The following SLC35D4 variants were observed in gnomAD, a reference collection of about 807,000 sequenced individuals.
The protein encoded by SLC35D4 is solute carrier family 35 member D4.
chr18:23,341,421 C>T, the SLC35D4 span, among the ~76,000 whole-genome samples: 1 of 152,328 alleles, frequency 6.6e-6, no homozygotes, highest in East Asian at 1.9e-4. Context: ...GTGACATCTT[C>T]GAAAACAGCC....
chr18:23,309,169 T>C, the SLC35D4 span, among the ~76,000 whole-genome samples: 1 of 150,842 alleles, frequency 6.6e-6, no homozygotes, highest in South Asian at 2.1e-4. Context: ...CTAAACTGCA[T>C]TGTTGACCCA....
the SLC35D4 span, among the ~76,000 whole-genome samples, chr18:23,403,198 C>A: frequency 6.6e-6 from 1 of 152,216 alleles, no homozygotes; most frequent in Non-Finnish European, 1.5e-5. Flanking sequence ...AAAGGGAGCT[C>A]CTGTATATAT....
At chr18:23,239,108 T>C in the SLC35D4 span, among the ~76,000 whole-genome samples, 2 of 152,244 alleles carry the variant, frequency 1.3e-5, no homozygotes, top group Non-Finnish European at 2.9e-5. Context: ...ATGATTTCAT[T>C]GTGAGCCTTG....
chr18:23,370,896 T>C, the SLC35D4 span, among the ~76,000 whole-genome samples: 1 of 152,162 alleles, frequency 6.6e-6, no homozygotes, highest in African/African-American at 2.4e-5. Context: ...GAAAGTATAT[T>C]GGAAATGGAA....
chr18:23,329,966 A>T, the SLC35D4 span, among the ~76,000 whole-genome samples: 1 of 151,956 alleles, frequency 6.6e-6, no homozygotes, highest in African/African-American at 2.4e-5. Flanking sequence ...AACCAAACAC[A>T]ACATGTTTTC....
At chr18:23,259,289 C>CCAT in the SLC35D4 span, 1 of 150,754 alleles carries the variant, frequency 6.6e-6, no homozygotes, top group Non-Finnish European at 1.5e-5. Flanking sequence ...TCCCCACTGC[C>CCAT]CATCTGCCCC....
At chr18:23,369,972 G>A in the SLC35D4 span, among the ~76,000 whole-genome samples, 3 of 152,198 alleles carry the variant, frequency 2.0e-5, no homozygotes, top group African/African-American at 7.2e-5. Context: ...CCTGAGGTCG[G>A]TAGTTCCAGA....
the SLC35D4 span, among the ~76,000 whole-genome samples, chr18:23,280,280 C>T: frequency 6.6e-6 from 1 of 152,226 alleles, no homozygotes; most frequent in Non-Finnish European, 1.5e-5. Flanking sequence ...GACCTCTGTC[C>T]ATTGGGTCTG....
the SLC35D4 span, chr18:23,352,167 G>C: frequency 1.9e-6 from 3 of 1,577,210 alleles, no homozygotes; most frequent in Middle Eastern, 3.4e-4. Context: ...GCTCTTGAGA[G>C]AGAATTTCCC....
the SLC35D4 span, among the ~76,000 whole-genome samples, chr18:23,317,825 C>T: frequency 8.6e-5 from 13 of 152,012 alleles, no homozygotes; most frequent in African/African-American, 1.9e-4. Flanking sequence ...CTGCAACCTC[C>T]GCCTCCACGG....
the SLC35D4 span, chr18:23,437,938 C>A: frequency 7.0e-7 from 1 of 1,432,070 alleles, no homozygotes; most frequent in Non-Finnish European, 9.6e-7. Flanking sequence ...GCAGCAGCGG[C>A]AGCGGCAGCA....
chr18:23,264,660 C>T, the SLC35D4 span, among the ~76,000 whole-genome samples: 4 of 151,970 alleles, frequency 2.6e-5, no homozygotes, highest in South Asian at 2.1e-4. Flanking sequence ...CGTGCCCAGC[C>T]GTCATTTTTT....
chr18:23,242,033 T>C, the SLC35D4 span, among the ~76,000 whole-genome samples: 1 of 152,180 alleles, frequency 6.6e-6, no homozygotes, highest in African/African-American at 2.4e-5. Flanking sequence ...CCCTGCACTT[T>C]GGAAGGCCGA....
the SLC35D4 span, among the ~76,000 whole-genome samples, chr18:23,372,412 C>A: frequency 1.1e-4 from 17 of 152,188 alleles, no homozygotes; most frequent in African/African-American, 4.1e-4. Flanking sequence ...TCCTGGCTAA[C>A]TCCTCCTCAT....
At chr18:23,275,613 T>TGCCGTGCCGTGCCGTGCC in the SLC35D4 span, among the ~76,000 whole-genome samples, 1 of 127,990 alleles carries the variant, frequency 7.8e-6, no homozygotes, top group African/African-American at 2.8e-5. Context: ...TGTGCTGTGC[T>TGCCGTGCCGTGCCGTGCC]GTGCTGTGCT....
At chr18:23,356,549 A>T in the SLC35D4 span, 4 of 1,598,726 alleles carry the variant, frequency 2.5e-6, no homozygotes, top group Middle Eastern at 1.7e-4. The surrounding 1 kb of genome is among the most constrained non-coding windows in gnomAD (Gnocchi z 4.1). Context: ...AGGAAGACAC[A>T]GCGGACAGCA....
the SLC35D4 span, among the ~76,000 whole-genome samples, chr18:23,241,199 T>C: frequency 2.0e-5 from 3 of 152,170 alleles, no homozygotes; most frequent in Non-Finnish European, 4.4e-5. Flanking sequence ...TTTCCCCATG[T>C]CATGTGTGTC....
the SLC35D4 span, chr18:23,257,092 T>A: frequency 1.0e-6 from 1 of 961,740 alleles, no homozygotes; most frequent in South Asian, 1.6e-5. Context: ...CCTCCCTTTC[T>A]TCCTCCACAG....
At chr18:23,275,593 A>AGTGCTGTGCTGTGCTATGCT in the SLC35D4 span, among the ~76,000 whole-genome samples, 1 of 140,582 alleles carries the variant, frequency 7.1e-6, no homozygotes, top group African/African-American at 2.7e-5. Flanking sequence ...GGTCAGAAAG[A>AGTGCTGTGCTGTGCTATGCT]GTGCTGTGCT....
Sources: gnomAD v4.1 joint callset for allele counts (sites outside exome capture counted in the v4.1 genomes callset) on GRCh38, gnomAD v4.1.1 for gene constraint, Gnocchi (gnomAD v3.1) non-coding constraint, MANE v1.5 for transcripts, NCBI Gene and HGNC (gene_info 2026-07-23, HGNC 2026-07-21) for gene names.